The following OTC variants were observed in gnomAD, a reference collection of about 807,000 sequenced individuals.
OTC encodes ornithine transcarbamylase, mitochondrial.
A neutral mutation model predicts 30.3 loss-of-function variants in OTC; 3 were observed. The observed-to-expected ratio is 0.10, with a 90% CI of 0.05 to 0.26. The LOEUF is 0.26. Among genes scored for constraint, OTC ranks in the 10% least tolerant of loss-of-function variants. The pLI is 1.00. For missense variants in OTC, 194 were observed against 260.3 expected (o/e 0.75, Z 1.75); for synonymous variants, 111 against 99.7 (o/e 1.11, Z -0.67).
upstream of OTC, among the ~76,000 whole-genome samples, chrX:38,348,156 C>T (rs969320779): frequency 5.4e-5 from 6 of 112,030 alleles, no homozygotes; most frequent in Admixed American, 1.9e-4. Flanking sequence ...ATTTCTAAAT[C>T]GCTCTTGCAT....
chrX:38,335,826 G>A, the OTC span, among the ~76,000 whole-genome samples: 1 of 111,586 alleles, frequency 9.0e-6, no homozygotes, highest in South Asian at 3.7e-4. Context: ...CCTTTCTGTG[G>A]GCGACTTTTT....
At chrX:38,332,652 T>C in the OTC span, among the ~76,000 whole-genome samples, 2 of 107,279 alleles carry the variant, frequency 1.9e-5, no homozygotes, top group South Asian at 8.3e-4. Flanking sequence ...TAGCTATTAA[T>C]AAGGCAAAGG....
At chrX:38,348,211 C>T (rs1264424449), upstream of OTC, among the ~76,000 whole-genome samples, 3 of 112,072 alleles carry the variant, frequency 2.7e-5, no homozygotes, top group Non-Finnish European at 5.6e-5. Context: ...TGTATTCAGG[C>T]CTCATATTTG....
the OTC span, among the ~76,000 whole-genome samples, chrX:38,343,523 C>T: frequency 8.9e-6 from 1 of 112,129 alleles, no homozygotes; most frequent in Admixed American, 9.4e-5. Flanking sequence ...AAGGTTGGGT[C>T]ATTAACCATA....
chrX:38,342,275 A>G, the OTC span, among the ~76,000 whole-genome samples: 1 of 110,457 alleles, frequency 9.1e-6, no homozygotes, highest in African/African-American at 3.3e-5. Flanking sequence ...CCCGCCTCAA[A>G]GTGCTGGGAT....
chrX:38,367,176 A>T, intron 1 of OTC, 115 bp from the exon 2 acceptor site: 3 of 361,676 alleles, frequency 8.3e-6, no homozygotes, highest in Non-Finnish European at 1.3e-5. Context: ...ACCTGTCTCA[A>T]AAAAAAAAAA....
upstream of OTC, among the ~76,000 whole-genome samples, chrX:38,350,411 G>C (rs2068208399): frequency 8.9e-6 from 1 of 111,812 alleles, no homozygotes; most frequent in Admixed American, 9.5e-5. Context: ...GAACTAGATA[G>C]GTAGTGAAAC....
intron 1 of OTC, among the ~76,000 whole-genome samples, chrX:38,361,018 A>C (rs191324281): frequency 8.9e-6 from 1 of 112,483 alleles, no homozygotes; most frequent in East Asian, 2.8e-4. Flanking sequence ...GGATAATGAC[A>C]GTGCAGTACA....
At chrX:38,360,186 G>A (rs925197093) in intron 1 of OTC, among the ~76,000 whole-genome samples, 1 of 110,747 alleles carries the variant, frequency 9.0e-6, no homozygotes, top group African/African-American at 3.3e-5. Context: ...CTCCCAAAGT[G>A]CTGGGATTAC....
chrX:38,340,459 GT>G, the OTC span, among the ~76,000 whole-genome samples: 596 of 60,464 alleles, frequency 9.9e-3, 7 homozygotes, highest in African/African-American at 0.018. Flanking sequence ...TTGTTTTTTT[GT>G]TTTTTTTTTT....
chrX:38,343,776 A>G, the OTC span, among the ~76,000 whole-genome samples: 4 of 112,377 alleles, frequency 3.6e-5, no homozygotes, highest in East Asian at 2.8e-4. Flanking sequence ...AAGCGAGATT[A>G]TACTTGAATT....
At chrX:38,375,743 G>A (rs1398545332) in intron 3 of OTC, among the ~76,000 whole-genome samples, 1 of 111,752 alleles carries the variant, frequency 8.9e-6, no homozygotes, top group Non-Finnish European at 1.9e-5. Context: ...AGTTGCACAT[G>A]AGTCTGGAAT....
intron 4 of OTC, chrX:38,395,312 A>G (rs1410251941): frequency 8.9e-6 from 1 of 112,830 alleles, no homozygotes; most frequent in African/African-American, 3.2e-5. Context: ...TTTACTGGTC[A>G]TGAAATTTGC....
intron 6 of OTC, among the ~76,000 whole-genome samples, chrX:38,407,839 G>T (rs1029640667): frequency 1.1e-4 from 12 of 111,954 alleles, no homozygotes; most frequent in African/African-American, 3.9e-4. Context: ...AGAGAAAACA[G>T]TTCTTGCTGC....
At chrX:38,337,439 A>C in the OTC span, among the ~76,000 whole-genome samples, 1 of 111,595 alleles carries the variant, frequency 9.0e-6, no homozygotes. Context: ...TTTTTCTCCA[A>C]ATTTCCTTGC....
At position 38,390,261 on chromosome X, in the gene OTC, C is replaced by A. The variant is rs751441962; in HGVS notation, c.386+8832C>A. On this transcript the variant is annotated intron_variant, in intron 4 of 9. Transcript: ENST00000039007. ...CTGAGAGTATTATCTATCTTATTTC[C>A]TCATCATTCTTATGTTGATATAACT... Among the ~76,000 whole-genome samples, 3 of 111,934 alleles carry A rather than the reference C, an allele frequency of 2.7e-5. No homozygotes were observed. The South Asian group carries it at 1.1e-3, about 42-fold the overall frequency.
chrX:38,387,875 C>T (rs535476220), intron 4 of OTC, among the ~76,000 whole-genome samples: 10 of 111,242 alleles, frequency 9.0e-5, no homozygotes, highest in African/African-American at 3.3e-4. Flanking sequence ...AGTGTGATCC[C>T]AAATTCCAGA....
intron 3 of OTC, among the ~76,000 whole-genome samples, chrX:38,375,377 C>A (rs1015071413): frequency 1.8e-5 from 2 of 111,836 alleles, no homozygotes; most frequent in Non-Finnish European, 3.8e-5. Flanking sequence ...TTAAAAGGAT[C>A]CCTCTGACTG....
chrX:38,402,918 G>A (rs765918013), intron 5 of OTC, among the ~76,000 whole-genome samples: 3 of 111,018 alleles, frequency 2.7e-5, no homozygotes, highest in African/African-American at 6.6e-5. Context: ...GGGTTCAAGC[G>A]ATTCTTGTGC....
Sources: gnomAD v4.1 joint callset for allele counts (sites outside exome capture counted in the v4.1 genomes callset) on GRCh38, gnomAD v4.1.1 for gene constraint, MANE v1.5 for transcripts, NCBI Gene and HGNC (gene_info 2026-07-23, HGNC 2026-07-21) for gene names.